ABCB1: variants seen among roughly 807,000 people sequenced by gnomAD.
ABCB1 encodes the protein ATP binding cassette subfamily B member 1.
A neutral mutation model predicts 142.0 loss-of-function variants in ABCB1; 69 were observed. That is an observed-to-expected ratio of 0.49 (90% CI 0.40 to 0.59). The LOEUF is 0.59. ABCB1 is among the 20% of genes least tolerant of loss of function. The probability of loss-of-function intolerance (pLI) is 0.00; values close to 1 mark genes in which losing one functional copy is unlikely to be tolerated. For synonymous variants in ABCB1, 532 were observed against 539.2 expected, an observed-to-expected ratio of 0.99 and a Z score of 0.18; for missense variants, 1,326 against 1,554.7, an observed-to-expected ratio of 0.85 and a Z score of 2.47.
chr7:87,655,972 G>A (rs545184559), intron 1 of ABCB1, among the ~76,000 whole-genome samples: 55 of 152,188 alleles, frequency 3.6e-4, no homozygotes, highest in African/African-American at 1.3e-3. Context: ...AGAGGATGTA[G>A]TGTTCAAGGT....
chr7:87,584,125 T>C (rs1425959773), intron 4 of ABCB1, among the ~76,000 whole-genome samples: 1 of 152,102 alleles, frequency 6.6e-6, no homozygotes, highest in Non-Finnish European at 1.5e-5. Context: ...AGCTCAAACA[T>C]ACAAAAATTT....
At chr7:87,629,462 C>G (rs1440623187) in intron 1 of ABCB1, among the ~76,000 whole-genome samples, 1 of 152,140 alleles carries the variant, frequency 6.6e-6, no homozygotes, top group East Asian at 1.9e-4. Context: ...TGTGTACTAT[C>G]CACTTTTCAG....
intron 1 of ABCB1, among the ~76,000 whole-genome samples, chr7:87,626,268 A>G (rs529952715): frequency 1.3e-5 from 1 of 77,564 alleles, no homozygotes; most frequent in Non-Finnish European, 2.4e-5. Context: ...TGTGTCATAT[A>G]TGTGTCATAT....
intron 1 of ABCB1, among the ~76,000 whole-genome samples, chr7:87,620,767 A>G (rs1249737662): frequency 2.0e-5 from 3 of 152,214 alleles, no homozygotes; most frequent in Non-Finnish European, 4.4e-5. Flanking sequence ...CAAAAATTAT[A>G]AAAGTAAAAA....
At chr7:87,601,488 G>A (rs1383608923), upstream of ABCB1, among the ~76,000 whole-genome samples, 1 of 152,222 alleles carries the variant, frequency 6.6e-6, no homozygotes, top group African/African-American at 2.4e-5. Context: ...AACTTCAGAC[G>A]TCAGATCAAT....
chr7:87,546,314 C>T (rs532631179), intron 14 of ABCB1, among the ~76,000 whole-genome samples: 184 of 152,204 alleles, frequency 1.2e-3, no homozygotes, highest in Non-Finnish European at 2.2e-3. Context: ...TTGGGCCGGG[C>T]GTGGTGGCTC....
intron 1 of ABCB1, among the ~76,000 whole-genome samples, chr7:87,635,692 G>T (rs1413317205): frequency 2.0e-5 from 3 of 152,124 alleles, no homozygotes; most frequent in Admixed American, 6.5e-5. Context: ...CATTTTTGTG[G>T]TAGGGCACAA....
intron 4 of ABCB1, among the ~76,000 whole-genome samples, chr7:87,574,212 G>A (rs756665752): frequency 6.6e-6 from 1 of 152,044 alleles, no homozygotes; most frequent in Admixed American, 6.6e-5. Context: ...AGAGAGACAC[G>A]GAAGGAACAG....
At chr7:87,581,381 G>C (rs541737132) in intron 4 of ABCB1, among the ~76,000 whole-genome samples, 8 of 151,968 alleles carry the variant, frequency 5.3e-5, no homozygotes, top group African/African-American at 1.7e-4. Flanking sequence ...CTTTATCTAG[G>C]ATCATTTCCA....
chr7:87,659,367 T>G (rs139374078), intron 1 of ABCB1: 1 of 285,386 alleles, frequency 3.5e-6, no homozygotes, highest in East Asian at 1.1e-4. Context: ...ATATTGTTTT[T>G]TAGTGTATCT....
chr7:87,539,456 T>G (rs1444669468), intron 18 of ABCB1, 111 bp from the exon 19 acceptor site: 3 of 1,077,990 alleles, frequency 2.8e-6, no homozygotes, highest in Admixed American at 2.0e-5. Flanking sequence ...AAAGCCTGAT[T>G]TCAAGGGCTT....
In ABCB1 at chr7:87,549,885, G is replaced by C. The variant is rs771429713; in HGVS notation, c.1520C>G (p.Ala507Gly). The C allele has an allele frequency of 4.3e-6, 7 of 1,614,112 alleles. No individual in the cohort carries two copies. The Admixed American group carries it at 1.2e-4, about 27-fold the overall frequency. The change falls in exon 13 of 28, where the codon GCC (alanine) becomes GGC (glycine). Residue 507 changes from alanine to glycine, a missense_variant. Transcript: ENST00000622132. ...MDEIEKAVKE[A>G]NAYDFIMKLP... ...TTTCATGATAAAGTCATAGGCATTG[G>C]CTTCCTTGACAGCTTTCTCAATCTC...
At chr7:87,604,334 A>T (rs1341269744), upstream of ABCB1, among the ~76,000 whole-genome samples, 1 of 152,162 alleles carries the variant, frequency 6.6e-6, no homozygotes, top group Non-Finnish European at 1.5e-5. Flanking sequence ...CACCTCAATG[A>T]AGTTAATTGA....
At chr7:87,554,390 G>C (rs1817225910) in intron 8 of ABCB1, among the ~76,000 whole-genome samples, 1 of 151,894 alleles carries the variant, frequency 6.6e-6, no homozygotes, top group African/African-American at 2.4e-5. Context: ...AGGAAGTTTG[G>C]AGACAGTTTG....
Position 87,516,676 on chromosome 7 carries a change from CAAACACA to C in ABCB1, c.2928-18_2928-12del. ...ACAGCTGAAAATACTCTGGAAAGCA[CAAACACA>C]AAACATGTGCACAGCATTACCATCA... On this transcript the variant is annotated splice_polypyrimidine_tract_variant and intron_variant, in intron 23 of 27. Transcript: ENST00000622132. 6.4e-7 allele frequency: 1 copy of C among 1,562,862 alleles called. No homozygotes were observed.
In ABCB1 at chr7:87,607,159, T is replaced by C. The variant is rs564215408; in HGVS notation, c.-330-6081A>G. Among the ~76,000 whole-genome samples the C allele has an allele frequency of 1.5e-3, 225 of 152,282 alleles. 1 individual carries two copies. Among genetic ancestry groups the C allele is most frequent in the Middle Eastern group, 0.01 (3 of 294 alleles). On this transcript the variant is annotated intron_variant, in intron 1 of 28. Coordinates refer to the ABCB1 transcript ENST00000265724. Reference sequence around the variant, plus strand: ...GGATTCTAGCTTTGGTCATCAACTGTCTATATAAGTTGGATACATGGTTTT... The same window carrying C: ...GGATTCTAGCTTTGGTCATCAACTGCCTATATAAGTTGGATACATGGTTTT...
At chr7:87,533,225 A>G (rs1816139344) in intron 20 of ABCB1, among the ~76,000 whole-genome samples, 1 of 152,070 alleles carries the variant, frequency 6.6e-6, no homozygotes. Flanking sequence ...CACAGGGATG[A>G]TATAAGTTGC....
At chr7:87,595,691 G>A (rs2129980393) in intron 3 of ABCB1, 75 bp downstream of exon 3, 2 of 1,222,076 alleles carry the variant, frequency 1.6e-6, no homozygotes, top group South Asian at 1.2e-5. Flanking sequence ...TACATCAGAT[G>A]AAATATCTCT....
In ABCB1 at chr7:87,646,964, T is replaced by C. The variant is rs150905540; in HGVS notation, c.-330-45886A>G. Among the ~76,000 whole-genome samples, 4 of 152,344 alleles carry C rather than the reference T, an allele frequency of 2.6e-5. No individual in the cohort carries two copies. In the East Asian group the frequency reaches 7.7e-4, roughly 29 times the overall value. Reference sequence around the variant, plus strand: ...TTTCCCGTTATTGCATGATAATTTATTCCATTGAGCTCCAGTTGCTGTTGT... The same window carrying C: ...TTTCCCGTTATTGCATGATAATTTACTCCATTGAGCTCCAGTTGCTGTTGT... On this transcript the variant is annotated intron_variant, in intron 1 of 28. Transcript: ENST00000265724.
Sources: gnomAD v4.1 joint callset for allele counts (sites outside exome capture counted in the v4.1 genomes callset) on GRCh38, gnomAD v4.1.1 for gene constraint, MANE v1.5 for transcripts, NCBI Gene and HGNC (gene_info 2026-07-23, HGNC 2026-07-21) for gene names.